ERBB4: variants seen among roughly 807,000 people sequenced by gnomAD.
ERBB4 encodes the protein erb-b2 receptor tyrosine kinase 4.
ERBB4 carries 42 observed loss-of-function variants against 158.0 expected under a neutral mutation model. That is an observed-to-expected ratio of 0.27 (90% CI 0.21 to 0.34). ERBB4 has a LOEUF of 0.34. ERBB4 is among the 10% of genes least tolerant of loss of function. ERBB4 has a pLI of 1.00. For missense variants in ERBB4, 1,333 were observed against 1,624.1 expected (o/e 0.82, Z 3.08); for synonymous variants, 583 against 558.7 (o/e 1.04, Z -0.61).
At chr2:212,146,158 C>T (rs1160927120) in intron 1 of ERBB4, among the ~76,000 whole-genome samples, 1 of 152,258 alleles carries the variant, frequency 6.6e-6, no homozygotes, top group African/African-American at 2.4e-5. Context: ...CAGCTTTCAG[C>T]CCAATAATTT....
intron 1 of ERBB4, among the ~76,000 whole-genome samples, chr2:212,148,123 C>T (rs116079203): frequency 6.6e-6 from 1 of 151,408 alleles, no homozygotes; most frequent in Admixed American, 6.6e-5. Flanking sequence ...CAGGGGGCAG[C>T]ACAATTCCCA....
rs533225822 is a variant in ERBB4, at chr2:211,436,062, T to TC, written c.2488-4963dup. 6.6e-5 allele frequency among the ~76,000 whole-genome samples: 10 copies of TC among 152,098 alleles called. No homozygotes were observed. In the South Asian group the frequency reaches 1.9e-3, roughly 28 times the overall value. On this transcript the variant is annotated intron_variant, in intron 20 of 27. Transcript: ENST00000342788. ...GCCTCAACCTCCTGGCCTCAAGCAA[T>TC]CCTCCTGCCTCAGACTTCCAAAGTG...
intron 3 of ERBB4, among the ~76,000 whole-genome samples, chr2:211,824,779 AC>A (rs2077061052): frequency 6.6e-6 from 1 of 151,982 alleles, no homozygotes; most frequent in African/African-American, 2.4e-5. Flanking sequence ...CTATAATTTT[AC>A]GTTATTTTTC....
intron 2 of ERBB4, among the ~76,000 whole-genome samples, chr2:212,112,549 A>T (rs1265930026): frequency 2.0e-5 from 3 of 152,148 alleles, no homozygotes; most frequent in Non-Finnish European, 4.4e-5. Context: ...GGCAGCAGCA[A>T]GACAAAGTCC....
At chr2:211,428,706 C>T (rs146706895) in intron 21 of ERBB4, among the ~76,000 whole-genome samples, 2 of 151,810 alleles carry the variant, frequency 1.3e-5, no homozygotes, top group Non-Finnish European at 2.9e-5. Flanking sequence ...ATGTACTATA[C>T]TTATTCATTT....
At chr2:211,451,108 C>T (rs1269999066) in intron 20 of ERBB4, among the ~76,000 whole-genome samples, 5 of 152,112 alleles carry the variant, frequency 3.3e-5, no homozygotes, top group Non-Finnish European at 5.9e-5. Context: ...GAAAAACTCA[C>T]AGGGACAAAA....
chr2:212,234,641 C>T (rs541959755), intron 1 of ERBB4, among the ~76,000 whole-genome samples: 1 of 152,278 alleles, frequency 6.6e-6, no homozygotes, highest in South Asian at 2.1e-4. Context: ...TCTCCAGCAT[C>T]TGTTGTTTCT....
At chr2:211,646,899 T>C (rs2070798187) in intron 16 of ERBB4, among the ~76,000 whole-genome samples, 1 of 151,698 alleles carries the variant, frequency 6.6e-6, no homozygotes, top group African/African-American at 2.4e-5. Flanking sequence ...TGATGATTTG[T>C]GGATTAATGT....
intron 2 of ERBB4, among the ~76,000 whole-genome samples, chr2:212,041,978 A>T (rs1330589681): frequency 5.3e-5 from 8 of 152,074 alleles, no homozygotes; most frequent in Non-Finnish European, 1.0e-4. Flanking sequence ...GCTGATGAGC[A>T]ATTAAATTAT....
intron 3 of ERBB4, among the ~76,000 whole-genome samples, chr2:211,937,317 T>C (rs1425385091): frequency 1.3e-5 from 2 of 152,182 alleles, no homozygotes; most frequent in East Asian, 1.9e-4. Context: ...ATAAATGCTA[T>C]AATTTTTTTA....
chr2:211,743,371 C>A (rs908679227), intron 5 of ERBB4, among the ~76,000 whole-genome samples: 3 of 152,020 alleles, frequency 2.0e-5, no homozygotes, highest in African/African-American at 7.2e-5. Flanking sequence ...TGAGATAACA[C>A]CAGGTCTAGC....
At chr2:212,134,187 GAGA>G (rs1331628564) in intron 1 of ERBB4, among the ~76,000 whole-genome samples, 2 of 145,746 alleles carry the variant, frequency 1.4e-5, no homozygotes, top group African/African-American at 5.4e-5. Flanking sequence ...TTGCAGTTTT[GAGA>G]AGTTTTTTTT....
chr2:211,892,985 C>T (rs1190183458), intron 3 of ERBB4, among the ~76,000 whole-genome samples: 1 of 147,176 alleles, frequency 6.8e-6, no homozygotes, highest in African/African-American at 2.6e-5. Flanking sequence ...GCCATACTGC[C>T]CAAGGTAATT....
Position 212,538,742 on chromosome 2 carries a change from G to T in ERBB4, c.-212C>A. 2.5e-6 allele frequency: 1 copy of T among 399,674 alleles called. No individual in the cohort carries two copies. The allele number at this position is 399,674 out of a possible 1,614,324, so 24.8% of individuals were successfully genotyped here. A position where few individuals can be genotyped will look rare whatever the true frequency, so the allele number is the denominator to read the frequency against. On this transcript the variant is annotated 5_prime_UTR_variant, in exon 1 of 28. Coordinates refer to ENST00000342788, the MANE Select transcript of ERBB4 (RefSeq NM_005235.3). ...GCCCGAGGAGGGGGCGAGTGTGAGCGCGTGTGTGCGCGTGTGGGAGTGTGC... is the reference window on the plus strand; with the variant it reads ...GCCCGAGGAGGGGGCGAGTGTGAGCTCGTGTGTGCGCGTGTGGGAGTGTGC...
intron 1 of ERBB4, among the ~76,000 whole-genome samples, chr2:212,201,468 T>C (rs1323108667): frequency 6.6e-6 from 1 of 152,092 alleles, no homozygotes; most frequent in African/African-American, 2.4e-5. Context: ...CCTGGGTGGA[T>C]TTTATTTTTT....
At chr2:211,555,454 G>T (rs1240694831) in intron 20 of ERBB4, among the ~76,000 whole-genome samples, 1 of 152,126 alleles carries the variant, frequency 6.6e-6, no homozygotes, top group East Asian at 1.9e-4. Context: ...CAAAGTGCTG[G>T]GATTACAGGC....
At position 212,149,403 on chromosome 2, in the gene ERBB4, A is replaced by G. The variant is rs183523173; in HGVS notation, c.83-24500T>C. Among the ~76,000 whole-genome samples the G allele has an allele frequency of 4.6e-5, 7 of 152,278 alleles. 2 individuals carry two copies. The highest frequency in any genetic ancestry group is 3.9e-4 in the Admixed American group (6 of 15,290). On this transcript the variant is annotated intron_variant, in intron 1 of 27. Transcript: ENST00000342788. ...GGTTTTTATAGATCCATAAAATAAAATGGGTTATAAAGAGTTAAAAGTTGT... is the reference window on the plus strand; with the variant it reads ...GGTTTTTATAGATCCATAAAATAAAGTGGGTTATAAAGAGTTAAAAGTTGT...
intron 2 of ERBB4, among the ~76,000 whole-genome samples, chr2:212,109,438 T>A (rs1401199741): frequency 6.6e-6 from 1 of 152,184 alleles, no homozygotes; most frequent in Admixed American, 6.5e-5. Context: ...ATTACTATGG[T>A]TCCCTTCAGT....
Position 211,420,445 on chromosome 2 carries a change from T to A in ERBB4, c.3131A>T (p.Asn1044Ile). 6.2e-7 allele frequency: 1 copy of A among 1,607,412 alleles called. No individual in the cohort carries two copies. The highest frequency in any genetic ancestry group is 1.1e-5 in the South Asian group (1 of 90,886). Reference protein sequence around the residue: ...IYTSRARIDSNRSEIGHSPPP... With the variant: ...IYTSRARIDSIRSEIGHSPPP... ...GTGTATATAATTATTTCTTACCCTATTCGAGTCAATTCTTGCTCTGGAAGT... is the reference window on the plus strand; with the variant it reads ...GTGTATATAATTATTTCTTACCCTAATCGAGTCAATTCTTGCTCTGGAAGT... The change falls in exon 25 of 28, where the codon AAT becomes ATT. Residue 1044 changes from asparagine (N) to isoleucine (I), a missense_variant. Physicochemically the swap from Asn to Ile is moderately radical, Grantham distance 149. Transcript: ENST00000342788.
Sources: gnomAD v4.1 joint callset for allele counts (sites outside exome capture counted in the v4.1 genomes callset) on GRCh38, gnomAD v4.1.1 for gene constraint, MANE v1.5 for transcripts, NCBI Gene and HGNC (gene_info 2026-07-23, HGNC 2026-07-21) for gene names.